TDRD6: variants seen among roughly 807,000 people sequenced by gnomAD.
TDRD6 encodes tudor domain containing 6, also known as tudor domain-containing protein 6.
In TDRD6, 186 loss-of-function variants were observed where a neutral mutation model predicts 157.5. That is an observed-to-expected ratio of 1.18 (90% CI 1.05 to 1.33). The LOEUF is 1.33. Among genes scored for constraint, TDRD6 ranks in the 40% most tolerant of loss-of-function variants. TDRD6 has a pLI of 0.00. For missense variants in TDRD6, 3,066 were observed against 2,508.0 expected, an observed-to-expected ratio of 1.22 and a Z score of -4.75; for synonymous variants, 1,075 against 945.2, an observed-to-expected ratio of 1.14 and a Z score of -2.52.
chr6:46,701,866 T>G lies in TDRD6; in HGVS notation c.6270T>G (p.Gly2090=). Reference sequence around the variant, plus strand: ...TTCTCTTTTTGTTTCAGAAAAGGGGTTTGGAGGTGATGGAGATTTAACCGT... The same window carrying G: ...TTCTCTTTTTGTTTCAGAAAAGGGGGTTGGAGGTGATGGAGATTTAACCGT... ...KLDKSPPEKR[G]LEVMEI The change falls in exon 4 of 4, where the codon GGT becomes GGG. Residue 2090 remains glycine (G), a synonymous_variant. Transcript: ENST00000316081. 1 of 1,612,762 alleles carries G rather than the reference T, an allele frequency of 6.2e-7. No individual in the cohort carries two copies.
Position 46,700,496 on chromosome 6 carries a change from A to T in TDRD6, c.6262-1362A>T, listed in dbSNP as rs186702867. ...ATCTAGGAATCTAATTACTTTTTTTAAAAAAATGGTTTCTTATCTGAGTTA... is the reference window on the plus strand; with the variant it reads ...ATCTAGGAATCTAATTACTTTTTTTTAAAAAATGGTTTCTTATCTGAGTTA... On this transcript the variant is annotated intron_variant, in intron 3 of 3. Coordinates refer to ENST00000316081, the MANE Select transcript of TDRD6 (RefSeq NM_001010870.3). Among the ~76,000 whole-genome samples the T allele has an allele frequency of 2.3e-4, 35 of 152,166 alleles. No homozygotes were observed. The East Asian group carries it at 6.2e-3, about 27-fold the overall frequency.
intron 3 of TDRD6, 53 bp downstream of exon 3, chr6:46,698,140 A>C: frequency 7.5e-7 from 1 of 1,335,318 alleles, no homozygotes; most frequent in South Asian, 1.3e-5. Context: ...TCATTTTGAA[A>C]GGTGATTTAA....
At chr6:46,680,637 CACAT>C in the TDRD6 span, among the ~76,000 whole-genome samples, 1 of 152,180 alleles carries the variant, frequency 6.6e-6, no homozygotes, top group Non-Finnish European at 1.5e-5. Context: ...CCTATATACA[CACAT>C]ACTAAAAATT....
chr6:46,690,025 A>G lies in TDRD6; in HGVS notation c.1897A>G (p.Ile633Val). Residue 633 changes from isoleucine to valine, a missense_variant, in exon 1 of 4, where the codon ATT becomes GTT. Ile to Val is a conservative substitution (Grantham distance 29). Transcript: ENST00000316081. Reference sequence around the variant, plus strand: ...GCTCCACAAAGAATTAGTCATCCATATTCTTGATAAACAGGATCATCAATA... The same window carrying G: ...GCTCCACAAAGAATTAGTCATCCATGTTCTTGATAAACAGGATCATCAATA... The part of the protein sequence containing the change: ...TVLHKELVIH[I>V]LDKQDHQYVI... 6.2e-7 allele frequency: 1 copy of G among 1,614,014 alleles called. No homozygotes were observed. Among genetic ancestry groups the G allele is most frequent in the Non-Finnish European group, 8.5e-7 (1 of 1,179,966 alleles).
At position 46,689,596 on chromosome 6, in the gene TDRD6, G is replaced by C. The variant is rs764697107; in HGVS notation, c.1468G>C (p.Asp490His). Residue 490 changes from aspartate to histidine, a missense_variant, in exon 1 of 4, where the codon GAT (aspartate) becomes CAT (histidine). Physicochemically the swap from Asp to His is moderately conservative, Grantham distance 81. Coordinates refer to ENST00000316081, the MANE Select transcript of TDRD6 (RefSeq NM_001010870.3). ...SIRLKMNAFYDAQVEFVKNPS... is the reference protein window; with the variant it reads ...SIRLKMNAFYHAQVEFVKNPS... ...CAGGTTAAAGATGAATGCCTTCTAC[G>C]ATGCGCAGGTAGAGTTTGTTAAAAA... 3.1e-6 allele frequency: 5 copies of C among 1,614,012 alleles called. No homozygotes were observed. The highest frequency in any genetic ancestry group is 4.2e-6 in the Non-Finnish European group (5 of 1,180,034).
Position 46,691,419 on chromosome 6 carries a change from A to G in TDRD6, c.3291A>G (p.Arg1097=), listed in dbSNP as rs1349664766. The part of the protein sequence containing the change: ...DVLLLPMQAV[R]CSLSDIPDHI... Reference sequence around the variant, plus strand: ...TACTTTTGCCCATGCAAGCTGTCAGATGTTCATTATCTGATATTCCTGATC... The same window carrying G: ...TACTTTTGCCCATGCAAGCTGTCAGGTGTTCATTATCTGATATTCCTGATC... The change falls in exon 1 of 4, where the codon AGA becomes AGG. Residue 1097 remains arginine, a synonymous_variant. Coordinates refer to ENST00000316081, the MANE Select transcript of TDRD6 (RefSeq NM_001010870.3). 6.2e-7 allele frequency: 1 copy of G among 1,614,060 alleles called. No homozygotes were observed. Among genetic ancestry groups the G allele is most frequent in the African/African-American group, 1.3e-5 (1 of 75,044 alleles).
chr6:46,688,283 A>C lies in TDRD6; in HGVS notation c.155A>C (p.Glu52Ala), dbSNP rs1470893185. The C allele has an allele frequency of 6.7e-7, 1 of 1,499,082 alleles. No homozygotes were observed. Among genetic ancestry groups the C allele is most frequent in the East Asian group, 2.6e-5 (1 of 39,010 alleles). 92.9% of individuals were successfully genotyped at this position (1,499,082 alleles called of 1,614,324 possible). ...EYLRLSREIQ[E>A]AAATRGQWAL... ...CTGCGGCTGAGCCGGGAAATCCAGG[A>C]AGCGGCGGCCACGCGCGGCCAGTGG... The change falls in exon 1 of 4, where the codon GAA (glutamate) becomes GCA (alanine). Residue 52 changes from glutamate to alanine, a missense_variant. Transcript: ENST00000316081.
chr6:46,693,514 G>T lies in TDRD6; in HGVS notation c.5386G>T (p.Glu1796Ter). The change falls in exon 1 of 4, where the codon GAA becomes TAA. Residue 1796 changes from glutamate (E) to a stop codon, truncating the protein, a stop_gained. Coordinates refer to ENST00000316081, the MANE Select transcript of TDRD6 (RefSeq NM_001010870.3). LOFTEE classifies it high-confidence loss of function. ...AATTGATACTGAGGAACTGGAAGGTGAATTAGAGTGCCATCTGGTTGACAA... is the reference window on the plus strand; with the variant it reads ...AATTGATACTGAGGAACTGGAAGGTTAATTAGAGTGCCATCTGGTTGACAA... Reference protein sequence around the residue: ...DKIDTEELEGELECHLVDKAE... With the variant: ...DKIDTEELEG 6.2e-7 allele frequency: 1 copy of T among 1,613,844 alleles called. No homozygotes were observed. The highest frequency in any genetic ancestry group is 1.1e-5 in the South Asian group (1 of 91,052).
Position 46,691,466 on chromosome 6 carries a change from T to A in TDRD6, c.3338T>A (p.Val1113Glu). 1 of 1,614,052 alleles carries A rather than the reference T, an allele frequency of 6.2e-7. No individual in the cohort carries two copies. Among genetic ancestry groups the A allele is most frequent in the Non-Finnish European group, 8.5e-7 (1 of 1,179,960 alleles). The part of the protein sequence containing the change: ...IPDHIPEEVV[V>E]WFQETILDKS... ...GATCATATACCAGAAGAAGTGGTGG[T>A]GTGGTTTCAGGAGACTATTTTAGAT... Residue 1113 changes from valine (V) to glutamate (E), a missense_variant, in exon 1 of 4, where the codon GTG becomes GAG. Transcript: ENST00000316081.
chr6:46,698,168 C>G (rs1341316841), intron 3 of TDRD6, 81 bp downstream of exon 3: 1 of 1,030,164 alleles, frequency 9.7e-7, no homozygotes, highest in East Asian at 2.6e-5. Context: ...TTTCCAAAGT[C>G]CTTGTGTTTG....
Position 46,690,263 on chromosome 6 carries a change from G to T in TDRD6, c.2135G>T (p.Arg712Ile). 6.2e-7 allele frequency: 1 copy of T among 1,613,798 alleles called. No homozygotes were observed. The highest frequency in any genetic ancestry group is 8.5e-7 in the Non-Finnish European group (1 of 1,180,026). The change falls in exon 1 of 4, where the codon AGA becomes ATA. Residue 712 changes from arginine to isoleucine, a missense_variant. Physicochemically the swap from Arg to Ile is moderately conservative, Grantham distance 97. Transcript: ENST00000316081. ...KTGEGEQKAK[R>I]ENKTTSVSKA... ...GGAGAAGGAGAGCAGAAAGCCAAGA[G>T]AGAGAATAAAACCACATCTGTTTCA...
Position 46,689,367 on chromosome 6 carries a change from C to T in TDRD6, c.1239C>T (p.Cys413=), listed in dbSNP as rs201273188. ...KAVNAKIEFY[C]SFEHVYYVSL... ...TGAATGCAAAGATTGAATTTTATTGCTCCTTTGAGCATGTGTATTATGTCA... is the reference window on the plus strand; with the variant it reads ...TGAATGCAAAGATTGAATTTTATTGTTCCTTTGAGCATGTGTATTATGTCA... The change falls in exon 1 of 4, where the codon TGC becomes TGT. Residue 413 remains cysteine (C), a synonymous_variant. Coordinates refer to ENST00000316081, the MANE Select transcript of TDRD6 (RefSeq NM_001010870.3). 8.4e-5 allele frequency: 135 copies of T among 1,613,984 alleles called. No homozygotes were observed. The South Asian group carries it at 1.2e-3, about 15-fold the overall frequency.
intron 2 of TDRD6, among the ~76,000 whole-genome samples, chr6:46,696,912 T>C (rs1340029979): frequency 2.0e-5 from 3 of 151,856 alleles, no homozygotes; most frequent in Non-Finnish European, 4.4e-5. Flanking sequence ...CGCCCGGCTG[T>C]TTTTTAAATT....
chr6:46,685,494 T>C (rs1020924751), upstream of TDRD6, among the ~76,000 whole-genome samples: 1 of 152,160 alleles, frequency 6.6e-6, no homozygotes, highest in Non-Finnish European at 1.5e-5. Context: ...ATAATATTAG[T>C]ATTCAAACAC....
Position 46,689,555 on chromosome 6 carries a change from C to T in TDRD6, c.1427C>T (p.Pro476Leu), listed in dbSNP as rs1435158988. ...GAAGTAGATGAAGAGATTTCACTCCCAGCCTTAAGATCTATCAGGTTAAAG... is the reference window on the plus strand; with the variant it reads ...GAAGTAGATGAAGAGATTTCACTCCTAGCCTTAAGATCTATCAGGTTAAAG... ...AEEVDEEISL[P>L]ALRSIRLKMN... is the part of the protein sequence containing the mutation. The change falls in exon 1 of 4, where the codon CCA (proline) becomes CTA (leucine). Residue 476 changes from proline to leucine, a missense_variant. Pro to Leu is a moderately conservative substitution (Grantham distance 98, BLOSUM62 -3). Coordinates refer to ENST00000316081, the MANE Select transcript of TDRD6 (RefSeq NM_001010870.3). 2 of 1,614,168 alleles carry T rather than the reference C, an allele frequency of 1.2e-6. No individual in the cohort carries two copies. Among genetic ancestry groups the T allele is most frequent in the Admixed American group, 1.7e-5 (1 of 60,030 alleles).
Position 46,693,749 on chromosome 6 carries a change from C to T in TDRD6, c.5621C>T (p.Pro1874Leu), listed in dbSNP as rs146851178. 668 of 1,614,116 alleles carry T rather than the reference C, an allele frequency of 4.1e-4. 2 individuals carry two copies. Among genetic ancestry groups the T allele is most frequent in the South Asian group, 2.4e-3 (222 of 91,072 alleles). The change falls in exon 1 of 4, where the codon CCG becomes CTG. Residue 1874 changes from proline to leucine, a missense_variant. Transcript: ENST00000316081. The part of the protein sequence containing the change: ...EEKGELSPVP[P>L]NVPLSQECVT... The stretch of plus-strand genomic sequence containing the variant: ...AAAGGGGAGCTAAGCCCGGTGCCAC[C>T]GAATGTGCCACTCTCCCAAGAGTGT...
Position 46,702,087 on chromosome 6 carries a change from A to T in TDRD6, c.*200A>T, listed in dbSNP as rs1450637173. 1.1e-5 allele frequency: 5 copies of T among 452,052 alleles called. No homozygotes were observed. The highest frequency in any genetic ancestry group is 1.6e-5 in the Non-Finnish European group (4 of 253,212). The allele number at this position is 452,052 out of a possible 1,614,324, so 28.0% of individuals were successfully genotyped here. A position where few individuals can be genotyped will look rare whatever the true frequency, so the allele number is the denominator to read the frequency against. The stretch of plus-strand genomic sequence containing the variant: ...TGTGTTTATAGTGATCCTGTTATAT[A>T]TACAGATCTGGGATCTTTCGTCTTT... On this transcript the variant is annotated 3_prime_UTR_variant, in exon 4 of 4. Transcript: ENST00000316081.
rs1056011539 is a variant in TDRD6 at position 46,688,111 on chromosome 6, C to T, written c.-18C>T. The T allele has an allele frequency of 3.4e-6, 5 of 1,474,282 alleles. No homozygotes were observed. The highest frequency in any genetic ancestry group is 1.5e-5 in the African/African-American group (1 of 67,660). The allele number at this position is 1,474,282 out of a possible 1,614,324, so 91.3% of individuals were successfully genotyped here. On this transcript the variant is annotated 5_prime_UTR_variant, in exon 1 of 4. Coordinates refer to ENST00000316081, the MANE Select transcript of TDRD6 (RefSeq NM_001010870.3). ...GGCCCTTAATTTCCGGAAGTGGGGGCCGCGCCGCGCCGTCAAGATGTGCTC... is the reference window on the plus strand; with the variant it reads ...GGCCCTTAATTTCCGGAAGTGGGGGTCGCGCCGCGCCGTCAAGATGTGCTC...
In TDRD6 at chr6:46,690,625, T is replaced by TG; in HGVS notation, c.2499dup (p.Ser834ValfsTer6). On this transcript the variant is annotated frameshift_variant, in exon 1 of 4. Coordinates refer to ENST00000316081, the MANE Select transcript of TDRD6 (RefSeq NM_001010870.3). LOFTEE classifies it high-confidence loss of function. Reference sequence around the variant, plus strand: ...GGCTAAGCGAACAGTAAACAGACAGTGGTCCAGAGCACTTATTAGTGGGAT... The same window carrying TG: ...GGCTAAGCGAACAGTAAACAGACAGTGGGTCCAGAGCACTTATTAGTGGGAT... The TG allele has an allele frequency of 6.2e-7, 1 of 1,614,188 alleles. No individual in the cohort carries two copies. Among genetic ancestry groups the TG allele is most frequent in the Non-Finnish European group, 8.5e-7 (1 of 1,180,020 alleles).
Sources: allele counts gnomAD v4.1 joint callset (sites outside exome capture counted in the v4.1 genomes callset), GRCh38; gene constraint gnomAD v4.1.1; transcripts MANE v1.5; gene names NCBI Gene and HGNC (gene_info 2026-07-23, HGNC 2026-07-21).